Variants in KLHL15 observed in about 807,000 individuals in gnomAD.
KLHL15 encodes kelch like family member 15, also known as kelch-like protein 15.
Under a neutral mutation model 29.3 loss-of-function variants are expected in KLHL15, and 1 was observed. The observed-to-expected ratio is 0.03, with a 90% CI of 0.01 to 0.16. The LOEUF (loss-of-function observed/expected upper bound fraction) is 0.16, where lower values mean the gene tolerates loss of function less well. Ranked by LOEUF, KLHL15 falls within the 10% of genes least tolerant of loss-of-function variation. The probability of loss-of-function intolerance (pLI) is 1.00; values close to 1 mark genes in which losing one functional copy is unlikely to be tolerated. For synonymous variants in KLHL15, 212 were observed against 184.5 expected (o/e 1.15, Z -1.21); for missense variants, 215 against 478.5 (o/e 0.45, Z 5.14).
At chrX:24,025,727 A>AG (rs1396526513) in intron 1 of KLHL15, among the ~76,000 whole-genome samples, 4 of 10,162 alleles carry the variant, frequency 3.9e-4, no homozygotes, top group Admixed American at 9.6e-4. Context: ...ACGGGGGGGA[A>AG]GGGGGGGCGG....
intron 3 of KLHL15, among the ~76,000 whole-genome samples, chrX:23,999,960 A>G (rs1929279297): frequency 1.8e-5 from 2 of 111,991 alleles, no homozygotes; most frequent in South Asian, 7.3e-4. Flanking sequence ...AAAAGACATT[A>G]AGTTAACTGA....
At chrX:23,991,289 G>A (rs955049452) in intron 3 of KLHL15, among the ~76,000 whole-genome samples, 1 of 104,675 alleles carries the variant, frequency 9.6e-6, no homozygotes, top group African/African-American at 3.6e-5. Flanking sequence ...GGAGGCAGAG[G>A]TTGTAGTGAG....
At chrX:24,025,768 C>T (rs1472233434) in intron 1 of KLHL15, among the ~76,000 whole-genome samples, 4 of 109,777 alleles carry the variant, frequency 3.6e-5, no homozygotes, top group Admixed American at 9.4e-5. Flanking sequence ...CGGCGCCCCG[C>T]GTCCCGGCTG....
chrX:24,026,597 C>G (rs185164173), intron 1 of KLHL15, among the ~76,000 whole-genome samples: 1 of 92,823 alleles, frequency 1.1e-5, no homozygotes, highest in Non-Finnish European at 2.1e-5. Flanking sequence ...CATTTTCTCT[C>G]TAGACCAATA....
At position 23,986,000 on chromosome X, in the gene KLHL15, T is replaced by C. The variant is rs1601992779; in HGVS notation, c.*1921A>G. On this transcript the variant is annotated 3_prime_UTR_variant, in exon 4 of 4. Transcript: ENST00000328046. The stretch of plus-strand genomic sequence containing the variant: ...ATGGGAAACAAGATACCAAATTTCA[T>C]GTTTGGAAACTGTAAGTAAATGACA... 8.9e-6 allele frequency: 1 copy of C among 111,792 alleles called. No homozygotes were observed. Among genetic ancestry groups the C allele is most frequent in the East Asian group, 2.8e-4 (1 of 3,598 alleles). 9.2% of individuals were successfully genotyped at this position (111,792 alleles called of 1,213,427 possible).
intron 3 of KLHL15, among the ~76,000 whole-genome samples, chrX:23,995,073 C>T (rs898369713): frequency 1.8e-5 from 2 of 111,500 alleles, no homozygotes; most frequent in African/African-American, 6.5e-5. Context: ...AAATGATTAA[C>T]TTTGAATACA....
chrX:24,009,826 C>G (rs1375214519), intron 2 of KLHL15, among the ~76,000 whole-genome samples: 1 of 107,852 alleles, frequency 9.3e-6, no homozygotes, highest in African/African-American at 3.4e-5. Context: ...CTCCTCTCTA[C>G]TAAAAATACC....
At chrX:23,995,354 C>T (rs1259143571) in intron 3 of KLHL15, among the ~76,000 whole-genome samples, 1 of 99,052 alleles carries the variant, frequency 1.0e-5, no homozygotes, top group African/African-American at 3.9e-5. Flanking sequence ...TTGTGGTGAG[C>T]CAAGATCACG....
rs1482420962 is a variant in KLHL15, at chrX:24,026,035, G to T, written c.-209-977C>A. Among the ~76,000 whole-genome samples, 4 of 111,775 alleles carry T rather than the reference G, an allele frequency of 3.6e-5. No homozygotes were observed. The East Asian group carries it at 1.1e-3, about 32-fold the overall frequency. ...CTTTTTGCATCTTGGCCACGGTGGG[G>T]GTGGGGGAATCGGGGACAACGTGGA... On this transcript the variant is annotated intron_variant, in intron 1 of 3. Transcript: ENST00000328046.
Position 24,006,717 on chromosome X carries a change from G to A in KLHL15, c.-7-17C>T. ...ATGAATCACCTGGAAAAAAATCAAA[G>A]ACAACAATGTTAAACACTTCCATGC... On this transcript the variant is annotated splice_polypyrimidine_tract_variant and intron_variant, in intron 2 of 3. Coordinates refer to ENST00000328046, the MANE Select transcript of KLHL15 (RefSeq NM_030624.3). 9.1e-7 allele frequency: 1 copy of A among 1,102,568 alleles called. No individual in the cohort carries two copies. Among genetic ancestry groups the A allele is most frequent in the Non-Finnish European group, 1.2e-6 (1 of 816,985 alleles). The allele number at this position is 1,102,568 out of a possible 1,213,427, so 90.9% of individuals were successfully genotyped here.
At position 23,987,706 on chromosome X, in the gene KLHL15, A is replaced by T; in HGVS notation, c.*215T>A. On this transcript the variant is annotated 3_prime_UTR_variant, in exon 4 of 4. Transcript: ENST00000328046. ...ATTCTATTCAACTGCTTCTGGAAGT[A>T]GTTTCAAGAGCTAGCACTTAGAATT... 2.8e-6 allele frequency: 1 copy of T among 356,007 alleles called. No homozygotes were observed. Among genetic ancestry groups the T allele is most frequent in the South Asian group, 7.5e-5 (1 of 13,358 alleles). 29.3% of individuals were successfully genotyped at this position (356,007 alleles called of 1,213,427 possible). A position where few individuals can be genotyped will look rare whatever the true frequency, so the allele number is the denominator to read the frequency against.
intron 3 of KLHL15, among the ~76,000 whole-genome samples, chrX:23,994,067 A>T (rs1335257666): frequency 9.1e-6 from 1 of 109,375 alleles, no homozygotes; most frequent in East Asian, 2.8e-4. Context: ...AAAAAAGAAA[A>T]AAAGAAAATA....
intron 2 of KLHL15, among the ~76,000 whole-genome samples, chrX:24,007,063 C>T (rs961970231): frequency 9.1e-6 from 1 of 110,466 alleles, no homozygotes; most frequent in African/African-American, 3.3e-5. Flanking sequence ...CATGGTGGCA[C>T]ATTGCCAGCA....
intron 3 of KLHL15, among the ~76,000 whole-genome samples, chrX:24,003,562 CAA>C (rs57011870): frequency 1.6e-5 from 1 of 64,292 alleles, no homozygotes. Context: ...CAAAAAAAAC[CAA>C]AAAAAAAAAA....
intron 3 of KLHL15, among the ~76,000 whole-genome samples, chrX:23,989,978 A>G (rs909357216): frequency 7.3e-5 from 8 of 108,898 alleles, no homozygotes; most frequent in African/African-American, 2.7e-4. Flanking sequence ...TTGCTTCTGG[A>G]GCTGGAGCTA....
intron 2 of KLHL15, among the ~76,000 whole-genome samples, chrX:24,007,576 C>T (rs1379634198): frequency 2.0e-5 from 2 of 100,116 alleles, no homozygotes; most frequent in Non-Finnish European, 4.0e-5. Flanking sequence ...TAATATATGC[C>T]TATTCCATTG....
At chrX:24,010,671 T>A (rs961159562) in intron 2 of KLHL15, among the ~76,000 whole-genome samples, 3 of 111,924 alleles carry the variant, frequency 2.7e-5, no homozygotes, top group Non-Finnish European at 5.6e-5. Context: ...AGCCAACATC[T>A]ACGGCTCTGA....
chrX:23,996,523 C>T (rs776349794), intron 3 of KLHL15, among the ~76,000 whole-genome samples: 41 of 111,053 alleles, frequency 3.7e-4, no homozygotes, highest in South Asian at 7.7e-4. Context: ...ATTAGCTGGG[C>T]GTGGTGGGGG....
chrX:23,990,706 G>A (rs1441493956), intron 3 of KLHL15, among the ~76,000 whole-genome samples: 3 of 110,586 alleles, frequency 2.7e-5, no homozygotes, highest in African/African-American at 9.9e-5. Context: ...GAGCCTGTTG[G>A]AAATCTGGGA....
Sources: gnomAD v4.1 joint callset for allele counts (sites outside exome capture counted in the v4.1 genomes callset) on GRCh38, gnomAD v4.1.1 for gene constraint, MANE v1.5 for transcripts, NCBI Gene and HGNC (gene_info 2026-07-23, HGNC 2026-07-21) for gene names.